Variants in DCLK1 observed in about 807,000 individuals in gnomAD.
DCLK1 encodes the protein serine/threonine-protein kinase DCLK1.
DCLK1 carries 16 observed loss-of-function variants against 86.2 expected under a neutral mutation model. That is an observed-to-expected ratio of 0.19 (90% confidence interval 0.13 to 0.28). The LOEUF (loss-of-function observed/expected upper bound fraction) is 0.28, where lower values mean the gene tolerates loss of function less well. DCLK1 is among the 10% of genes least tolerant of loss of function. The probability of loss-of-function intolerance (pLI) is 1.00; values close to 1 mark genes in which losing one functional copy is unlikely to be tolerated. For synonymous variants in DCLK1, 369 were observed against 370.5 expected, an observed-to-expected ratio of 1.00 and a Z score of 0.05; for missense variants, 590 against 940.2, an observed-to-expected ratio of 0.63 and a Z score of 4.87.
chr13:36,109,895 C>G (rs1238944381), intron 3 of DCLK1, among the ~76,000 whole-genome samples: 1 of 152,122 alleles, frequency 6.6e-6, no homozygotes, highest in East Asian at 1.9e-4. Context: ...CTGAGAACAT[C>G]ATACCTATTG....
At chr13:35,855,564 G>A in intron 5 of DCLK1, 1 of 1,595,462 alleles carries the variant, frequency 6.3e-7, no homozygotes, top group Non-Finnish European at 8.6e-7. Flanking sequence ...AATACCAACG[G>A]CGGAATCCCG....
intron 3 of DCLK1, among the ~76,000 whole-genome samples, chr13:36,034,233 G>A (rs533863555): frequency 1.1e-4 from 16 of 152,094 alleles, no homozygotes; most frequent in South Asian, 8.3e-4. Flanking sequence ...AAAGAAAACC[G>A]GAATTAAGGA....
chr13:35,906,474 G>A (rs1164764096), intron 4 of DCLK1, among the ~76,000 whole-genome samples: 1 of 152,184 alleles, frequency 6.6e-6, no homozygotes, highest in African/African-American at 2.4e-5. Context: ...TGAAGGGTTA[G>A]AAAGATTTCA....
chr13:36,042,761 G>T (rs2153155520), intron 3 of DCLK1, among the ~76,000 whole-genome samples: 1 of 152,150 alleles, frequency 6.6e-6, no homozygotes, highest in East Asian at 1.9e-4. Context: ...CTGAAGAAAG[G>T]GATCATAACA....
intron 5 of DCLK1, among the ~76,000 whole-genome samples, chr13:35,864,793 C>G (rs1244870453): frequency 2.0e-5 from 3 of 151,728 alleles, no homozygotes; most frequent in Non-Finnish European, 4.4e-5. Flanking sequence ...GCTGGGACCA[C>G]AGGTGTGCAC....
chr13:36,003,895 C>T (rs1880834221), intron 3 of DCLK1, among the ~76,000 whole-genome samples: 1 of 152,104 alleles, frequency 6.6e-6, no homozygotes, highest in African/African-American at 2.4e-5. Flanking sequence ...GCACATATTG[C>T]TTTTGCAATT....
chr13:35,929,100 C>A lies in DCLK1; in HGVS notation c.823+18258G>T, dbSNP rs191480724. Among the ~76,000 whole-genome samples, 8 of 152,020 alleles carry A rather than the reference C, an allele frequency of 5.3e-5. No individual in the cohort carries two copies. In the East Asian group the frequency reaches 1.6e-3, roughly 30 times the overall value. On this transcript the variant is annotated intron_variant, in intron 4 of 16. Coordinates refer to ENST00000360631, the MANE Select transcript of DCLK1 (RefSeq NM_001330071.2). ...GCCCACCACCACGCCTGGCTAATTTCTTGTATTTTTAGTAGAGATGGGGTT... is the reference window on the plus strand; with the variant it reads ...GCCCACCACCACGCCTGGCTAATTTATTGTATTTTTAGTAGAGATGGGGTT...
intron 3 of DCLK1, among the ~76,000 whole-genome samples, chr13:36,025,611 T>G (rs1023581069): frequency 6.6e-6 from 1 of 152,210 alleles, no homozygotes; most frequent in Non-Finnish European, 1.5e-5. Context: ...ACGATAAATT[T>G]TCAGGCAAAA....
intron 3 of DCLK1, among the ~76,000 whole-genome samples, chr13:36,098,971 ATT>A (rs34423920): frequency 4.6e-4 from 67 of 144,740 alleles, no homozygotes; most frequent in African/African-American, 8.3e-4. Context: ...TATTATTTGG[ATT>A]TTTTTTTTTT....
intron 8 of DCLK1, among the ~76,000 whole-genome samples, chr13:35,830,472 A>G (rs138594973): frequency 1.3e-3 from 193 of 152,332 alleles, no homozygotes; most frequent in African/African-American, 4.3e-3. Flanking sequence ...TCTATATCCT[A>G]TAAGACCACA....
intron 3 of DCLK1, among the ~76,000 whole-genome samples, chr13:36,072,492 C>T (rs984257131): frequency 6.6e-6 from 1 of 152,192 alleles, no homozygotes; most frequent in Non-Finnish European, 1.5e-5. Flanking sequence ...CTAATGTCTT[C>T]CTGATTTATA....
chr13:35,838,526 A>C (rs1415881527), intron 7 of DCLK1, among the ~76,000 whole-genome samples: 1 of 152,182 alleles, frequency 6.6e-6, no homozygotes, highest in East Asian at 1.9e-4. Flanking sequence ...TGTCCAAAAC[A>C]ATCCAGTGAG....
chr13:36,079,344 C>A (rs1884331512), intron 3 of DCLK1, among the ~76,000 whole-genome samples: 2 of 152,078 alleles, frequency 1.3e-5, no homozygotes, highest in Admixed American at 6.5e-5. Context: ...ATTAAGAAAA[C>A]CTCTGCTGGA....
At chr13:35,799,566 A>G (rs2086879770) in intron 15 of DCLK1, among the ~76,000 whole-genome samples, 1 of 152,084 alleles carries the variant, frequency 6.6e-6, no homozygotes, top group Non-Finnish European at 1.5e-5. Flanking sequence ...TTTTTTTTTA[A>G]TCTATTAAAT....
chr13:35,951,456 T>A (rs1406116325), intron 3 of DCLK1, among the ~76,000 whole-genome samples: 2 of 150,244 alleles, frequency 1.3e-5, no homozygotes, highest in Admixed American at 1.3e-4. Context: ...CCTTTCTTAC[T>A]CTTTGCCTGT....
At chr13:35,983,103 T>C (rs1879742038) in intron 3 of DCLK1, among the ~76,000 whole-genome samples, 1 of 152,008 alleles carries the variant, frequency 6.6e-6, no homozygotes, top group Non-Finnish European at 1.5e-5. Flanking sequence ...TCAAGCTTCC[T>C]GTAGGGTCCA....
At chr13:36,120,674 T>TAA (rs67389934) in intron 2 of DCLK1, among the ~76,000 whole-genome samples, 90,362 of 151,796 alleles carry the variant, frequency 0.6, 27,517 homozygotes, top group East Asian at 0.86. Flanking sequence ...TACAAGTTAA[T>TAA]AAAAACCCTA....
chr13:35,840,609 A>G (rs1241907833), intron 6 of DCLK1, among the ~76,000 whole-genome samples: 2 of 152,332 alleles, frequency 1.3e-5, no homozygotes, highest in African/African-American at 4.8e-5. Flanking sequence ...ATTTTCCAAT[A>G]CTATAAAAAT....
rs554605094 is a variant in DCLK1 at position 35,966,757 on chromosome 13, C to T, written c.724-19300G>A. ...CTGACCGCGAGTGATCTGCCAGCCT[C>T]GGCCTCCTGAGGTGCCGGGATTGCA... On this transcript the variant is annotated intron_variant, in intron 3 of 16. Coordinates refer to ENST00000360631, the MANE Select transcript of DCLK1 (RefSeq NM_001330071.2). 3.5e-4 allele frequency among the ~76,000 whole-genome samples: 53 copies of T among 152,208 alleles called. 1 individual carries two copies. The highest frequency in any genetic ancestry group is 3.3e-3 in the East Asian group (17 of 5,134).
Sources: allele counts gnomAD v4.1 joint callset (sites outside exome capture counted in the v4.1 genomes callset), GRCh38; gene constraint gnomAD v4.1.1; transcripts MANE v1.5; gene names NCBI Gene and HGNC (gene_info 2026-07-23, HGNC 2026-07-21).